The following MYBPC1 variants were observed in gnomAD, a reference collection of about 807,000 sequenced individuals.
The protein encoded by MYBPC1 is myosin-binding protein C, slow-type.
MYBPC1 carries 52 observed loss-of-function variants against 147.1 expected under a neutral mutation model. The ratio of observed to expected loss-of-function variants is 0.35; its 90% CI spans 0.28 to 0.45. The LOEUF is 0.45. Among genes scored for constraint, MYBPC1 ranks in the 20% least tolerant of loss-of-function variants. MYBPC1 has a pLI of 1.00. For missense variants in MYBPC1, 1,228 were observed against 1,440.3 expected, an observed-to-expected ratio of 0.85 and a Z score of 2.39; for synonymous variants, 477 against 475.9, an observed-to-expected ratio of 1.00 and a Z score of -0.03.
chr12:101,629,369 C>A, intron 5 of MYBPC1, 65 bp from the exon 6 acceptor site: 1 of 1,086,834 alleles, frequency 9.2e-7, no homozygotes, highest in Non-Finnish European at 1.4e-6. Flanking sequence ...ACAACAAATC[C>A]AGGTAAGACT....
intron 18 of MYBPC1, among the ~76,000 whole-genome samples, chr12:101,659,324 TA>T (rs553251124): frequency 2.8e-3 from 421 of 152,342 alleles, no homozygotes; most frequent in African/African-American, 7.7e-3. Flanking sequence ...CTTGTATTTT[TA>T]GTCCTCCAAT....
At chr12:101,600,705 AAT>A (rs1316019317) in intron 1 of MYBPC1, among the ~76,000 whole-genome samples, 2 of 152,196 alleles carry the variant, frequency 1.3e-5, no homozygotes, top group African/African-American at 4.8e-5. Flanking sequence ...TATAATTAAT[AAT>A]GACTATTTTT....
intron 3 of MYBPC1, among the ~76,000 whole-genome samples, chr12:101,618,184 C>G (rs1433936316): frequency 1.3e-5 from 2 of 152,170 alleles, no homozygotes; most frequent in South Asian, 4.1e-4. Context: ...CTATGATATT[C>G]TTGTGTCCTA....
In MYBPC1 at chr12:101,634,534, T is replaced by G; in HGVS notation, c.557-20T>G. On this transcript the variant is annotated intron_variant, in intron 8 of 31. Coordinates refer to ENST00000361466, the MANE Select transcript of MYBPC1 (RefSeq NM_002465.4). ...CCTCCTTAATGGGTATTTATGTTAT[T>G]GTTTTCTTTCCTTTCAAAGAATCTA... 5.0e-6 allele frequency: 8 copies of G among 1,599,934 alleles called. No individual in the cohort carries two copies. The highest frequency in any genetic ancestry group is 6.9e-6 in the Non-Finnish European group (8 of 1,167,238).
intron 18 of MYBPC1, among the ~76,000 whole-genome samples, chr12:101,656,960 C>T (rs1308998751): frequency 3.3e-5 from 5 of 152,022 alleles, no homozygotes; most frequent in African/African-American, 1.2e-4. Flanking sequence ...CATAAAAACA[C>T]CTTAACAAAT....
intron 6 of MYBPC1, among the ~76,000 whole-genome samples, chr12:101,630,773 T>G (rs1889726681): frequency 6.6e-6 from 1 of 152,168 alleles, no homozygotes; most frequent in Admixed American, 6.5e-5. Flanking sequence ...CCAAGTGCTA[T>G]GAAGGGATGG....
At chr12:101,627,623 T>A (rs1888913727) in intron 4 of MYBPC1, 146 bp from the exon 5 acceptor site, 3 of 848,536 alleles carry the variant, frequency 3.5e-6, no homozygotes, top group Admixed American at 1.8e-5. Flanking sequence ...TCTACTGATT[T>A]TCCATCCAAG....
At position 101,642,408 on chromosome 12, in the gene MYBPC1, T is replaced by C; in HGVS notation, c.666-11T>C. The C allele has an allele frequency of 6.2e-7, 1 of 1,613,990 alleles. No individual in the cohort carries two copies. The highest frequency in any genetic ancestry group is 1.1e-5 in the South Asian group (1 of 90,952). On this transcript the variant is annotated splice_polypyrimidine_tract_variant and intron_variant, in intron 10 of 31. Coordinates refer to ENST00000361466, the MANE Select transcript of MYBPC1 (RefSeq NM_002465.4). The stretch of plus-strand genomic sequence containing the variant: ...CAGCTACTAAACTAGACCATGGTTC[T>C]CCCCGGTTAGGGAGGTGAAGCAGCA...
At chr12:101,615,904 T>A (rs563286694) in intron 2 of MYBPC1, among the ~76,000 whole-genome samples, 1 of 152,238 alleles carries the variant, frequency 6.6e-6, no homozygotes, top group East Asian at 1.9e-4. Context: ...CTTTTTTCTT[T>A]TCTTTCTCTT....
chr12:101,639,317 T>C lies in MYBPC1; in HGVS notation c.665+2589T>C, dbSNP rs115431880. Reference sequence around the variant, plus strand: ...GGCTTGGAAAAGAATCAGAAGTGCCTACAGAAATTTGGCTTTTTCTCCTCA... The same window carrying C: ...GGCTTGGAAAAGAATCAGAAGTGCCCACAGAAATTTGGCTTTTTCTCCTCA... On this transcript the variant is annotated intron_variant, in intron 10 of 31. Transcript: ENST00000361466. Among the ~76,000 whole-genome samples the C allele has an allele frequency of 4.9e-3, 749 of 152,322 alleles. 2 individuals carry two copies. The highest frequency in any genetic ancestry group is 0.015 in the African/African-American group (620 of 41,568).
chr12:101,666,802 A>G (rs1897519234), intron 22 of MYBPC1: 1 of 1,612,548 alleles, frequency 6.2e-7, no homozygotes, highest in East Asian at 2.2e-5. Flanking sequence ...TGCCAGGTAA[A>G]GTATTCCGTG....
In MYBPC1 at chr12:101,659,797, A is replaced by T. The variant is rs1489630093; in HGVS notation, c.1893A>T (p.Gly631=). Residue 631 remains glycine (G), a synonymous_variant, in exon 19 of 32, where the codon GGA becomes GGT. Coordinates refer to ENST00000361466, the MANE Select transcript of MYBPC1 (RefSeq NM_002465.4). ...ACATCAATCTGAAAAACGAAGCTGGAGAGGCACATGCAAGCATCAAGGTTA... is the reference window on the plus strand; with the variant it reads ...ACATCAATCTGAAAAACGAAGCTGGTGAGGCACATGCAAGCATCAAGGTTA... ...VYHINLKNEA[G]EAHASIKVKV... 1 of 1,614,062 alleles carries T rather than the reference A, an allele frequency of 6.2e-7. No individual in the cohort carries two copies. Among genetic ancestry groups the T allele is most frequent in the African/African-American group, 1.3e-5 (1 of 74,932 alleles).
intron 1 of MYBPC1, among the ~76,000 whole-genome samples, chr12:101,596,558 T>G (rs1405003822): frequency 6.6e-6 from 1 of 152,246 alleles, no homozygotes; most frequent in Non-Finnish European, 1.5e-5. Context: ...GCATTTGTTT[T>G]TTTAAAGCCT....
chr12:101,680,672 CAG>C, intron 29 of MYBPC1, 143 bp downstream of exon 29: 1 of 923,394 alleles, frequency 1.1e-6, no homozygotes, highest in Non-Finnish European at 1.7e-6. Context: ...GCAAGGGAAG[CAG>C]GGAGGGAATT....
At chr12:101,652,943 C>T (rs1565963051) in intron 17 of MYBPC1, among the ~76,000 whole-genome samples, 159 bp downstream of exon 17, 1 of 152,306 alleles carries the variant, frequency 6.6e-6, no homozygotes, top group East Asian at 1.9e-4. Context: ...TATACCAACA[C>T]CTTACAATAA....
At chr12:101,620,062 T>A (rs1290389371) in intron 3 of MYBPC1, among the ~76,000 whole-genome samples, 1 of 152,226 alleles carries the variant, frequency 6.6e-6, no homozygotes, top group Admixed American at 6.5e-5. Context: ...GCTTGCTTGC[T>A]TGCATCTGGC....
intron 8 of MYBPC1, among the ~76,000 whole-genome samples, chr12:101,632,938 T>G (rs1448669176): frequency 1.3e-5 from 2 of 152,176 alleles, no homozygotes; most frequent in Non-Finnish European, 2.9e-5. Flanking sequence ...TTTCGCCATA[T>G]TAGCCAGCCT....
intron 16 of MYBPC1, among the ~76,000 whole-genome samples, chr12:101,651,792 T>C (rs959765148): frequency 2.0e-5 from 3 of 151,908 alleles, no homozygotes; most frequent in Non-Finnish European, 4.4e-5. Flanking sequence ...ACACAAAAAT[T>C]AGCCAGGCGT....
rs117213476 is a variant in MYBPC1 at position 101,595,222 on chromosome 12, C to T, written c.25+127C>T. ...ATAAAATCACTATGATTTAAGGAAA[C>T]GATCTTTTAGATTAAACAGACCAGA... On this transcript the variant is annotated intron_variant, in intron 1 of 31. Transcript: ENST00000361466. The T allele has an allele frequency of 8.5e-3, 7,687 of 905,520 alleles. 45 individuals are homozygous for T. The highest frequency in any genetic ancestry group is 0.012 in the Non-Finnish European group (6,866 of 578,492). 56.1% of individuals were successfully genotyped at this position (905,520 alleles called of 1,614,324 possible).
Sources: allele counts gnomAD v4.1 joint callset (sites outside exome capture counted in the v4.1 genomes callset), GRCh38; gene constraint gnomAD v4.1.1; transcripts MANE v1.5; gene names NCBI Gene and HGNC (gene_info 2026-07-23, HGNC 2026-07-21).